Variants in LRBA observed in about 807,000 individuals in gnomAD.
The protein encoded by LRBA is LPS responsive beige-like anchor protein.
LRBA carries 176 observed loss-of-function variants against 330.0 expected under a neutral mutation model. The observed-to-expected ratio is 0.53, with a 90% CI of 0.47 to 0.60. The LOEUF (loss-of-function observed/expected upper bound fraction) is 0.60. Ranked by LOEUF, LRBA falls within the 20% of genes least tolerant of loss-of-function variation. The pLI is 0.00. For missense variants in LRBA, 3,259 were observed against 3,444.8 expected (o/e 0.95, Z 1.35); for synonymous variants, 1,230 against 1,193.0 (o/e 1.03, Z -0.64).
chr4:150,768,927 CTTTTTTTTTTTTTTTT>C (rs70941440), intron 34 of LRBA, among the ~76,000 whole-genome samples: 5 of 75,026 alleles, frequency 6.7e-5, no homozygotes, highest in Non-Finnish European at 1.2e-4. Context: ...GTGCTGTCTC[CTTTTTTTTTTTTTTTT>C]TTTTTTTTTT....
chr4:150,827,447 ACCT>A, intron 30 of LRBA, among the ~76,000 whole-genome samples: 1 of 152,156 alleles, frequency 6.6e-6, no homozygotes, highest in East Asian at 1.9e-4. Context: ...CAACTCTGCT[ACCT>A]CAACTGCCCC....
intron 37 of LRBA, among the ~76,000 whole-genome samples, chr4:150,643,065 C>T (rs942280169): frequency 6.6e-6 from 1 of 151,766 alleles, no homozygotes; most frequent in Non-Finnish European, 1.5e-5. Flanking sequence ...ATTTAAAGTT[C>T]CCCCTATTTT....
intron 36 of LRBA, among the ~76,000 whole-genome samples, chr4:150,711,237 AT>A (rs111721711): frequency 0.15 from 21,422 of 142,890 alleles, 3,212 homozygotes; most frequent in African/African-American, 0.4. Flanking sequence ...TAAGAAGTTA[AT>A]TTTTTTTTTT....
intron 37 of LRBA, among the ~76,000 whole-genome samples, chr4:150,629,504 T>C (rs562113797): frequency 1.3e-4 from 19 of 151,196 alleles, no homozygotes; most frequent in Admixed American, 4.0e-4. Context: ...CAGGGCATGG[T>C]GGCACATGCC....
intron 46 of LRBA, among the ~76,000 whole-genome samples, chr4:150,435,124 C>A (rs1357498249): frequency 6.6e-6 from 1 of 151,980 alleles, no homozygotes; most frequent in Non-Finnish European, 1.5e-5. Context: ...GCAGGCAGAT[C>A]ACTTGAGGTC....
At chr4:150,371,422 A>T (rs1740300320) in intron 47 of LRBA, among the ~76,000 whole-genome samples, 1 of 151,782 alleles carries the variant, frequency 6.6e-6, no homozygotes, top group Non-Finnish European at 1.5e-5. Context: ...CAAACTCCTG[A>T]CCTCAGGTGA....
At chr4:150,281,653 C>A (rs1747554990) in intron 55 of LRBA, among the ~76,000 whole-genome samples, 1 of 152,130 alleles carries the variant, frequency 6.6e-6, no homozygotes, top group Admixed American at 6.6e-5. Context: ...TGTCCTGGGT[C>A]CCCTCATTGT....
chr4:150,605,868 G>A (rs1286798476), intron 37 of LRBA, among the ~76,000 whole-genome samples: 1 of 152,122 alleles, frequency 6.6e-6, no homozygotes, highest in Non-Finnish European at 1.5e-5. Flanking sequence ...GCATTATGCT[G>A]TCTTAATGAA....
chr4:150,772,709 G>C (rs755943353), intron 34 of LRBA, among the ~76,000 whole-genome samples: 1 of 152,124 alleles, frequency 6.6e-6, no homozygotes, highest in Non-Finnish European at 1.5e-5. Flanking sequence ...AAAGGGGCCC[G>C]TCAAAGGCTC....
At chr4:150,563,091 C>T (rs1024803820) in intron 40 of LRBA, among the ~76,000 whole-genome samples, 1 of 152,116 alleles carries the variant, frequency 6.6e-6, no homozygotes, top group Non-Finnish European at 1.5e-5. Flanking sequence ...GCCACCACAC[C>T]TGGTTGAAAT....
At chr4:150,656,103 G>A (rs1001796971) in intron 37 of LRBA, among the ~76,000 whole-genome samples, 2 of 152,166 alleles carry the variant, frequency 1.3e-5, no homozygotes, top group African/African-American at 2.4e-5. Context: ...TTTTCAAAAC[G>A]TCTGCCATTT....
At chr4:150,526,693 C>T (rs12233717) in intron 40 of LRBA, among the ~76,000 whole-genome samples, 7 of 151,888 alleles carry the variant, frequency 4.6e-5, no homozygotes, top group Non-Finnish European at 8.8e-5. Flanking sequence ...ATTTCCCTTG[C>T]GACTTCTTTC....
chr4:150,900,877 G>C (rs1449159370), intron 13 of LRBA, among the ~76,000 whole-genome samples: 1 of 152,072 alleles, frequency 6.6e-6, no homozygotes, highest in East Asian at 1.9e-4. Context: ...TAATCTCATT[G>C]AAAGTAAATA....
intron 34 of LRBA, among the ~76,000 whole-genome samples, chr4:150,783,477 A>T (rs1738568425): frequency 1.3e-5 from 2 of 152,256 alleles, no homozygotes; most frequent in Admixed American, 1.3e-4. Flanking sequence ...ATTTTGTAGT[A>T]TCTGATACAC....
chr4:150,639,736 A>AATATATATATAT (rs1212252752), intron 37 of LRBA, among the ~76,000 whole-genome samples: 1 of 51,152 alleles, frequency 2.0e-5, no homozygotes, highest in African/African-American at 8.3e-5. Context: ...CTATGCCCCA[A>AATATATATATAT]ATATATATAT....
chr4:150,939,245 T>C (rs7657668), intron 2 of LRBA, among the ~76,000 whole-genome samples: 9,734 of 152,238 alleles, frequency 0.064, 460 homozygotes, highest in East Asian at 0.18. Context: ...TATTTGGAAA[T>C]AGGATTGCTA....
intron 37 of LRBA, among the ~76,000 whole-genome samples, chr4:150,601,983 A>G: frequency 6.7e-6 from 1 of 148,650 alleles, no homozygotes; most frequent in East Asian, 2.2e-4. Context: ...GAGCCACCGC[A>G]CCCGGCCTAT....
chr4:150,394,961 G>GAT (rs1744524354), intron 47 of LRBA, among the ~76,000 whole-genome samples: 1 of 152,010 alleles, frequency 6.6e-6, no homozygotes, highest in African/African-American at 2.4e-5. Flanking sequence ...CCATTTGCAA[G>GAT]ATATATTTAT....
At chr4:150,312,926 T>G (rs1167235829) in intron 51 of LRBA, among the ~76,000 whole-genome samples, 1 of 151,994 alleles carries the variant, frequency 6.6e-6, no homozygotes, top group Non-Finnish European at 1.5e-5. Flanking sequence ...GATGATGTAT[T>G]TTTAATAAAT....
Sources: allele counts gnomAD v4.1 joint callset (sites outside exome capture counted in the v4.1 genomes callset), GRCh38; gene constraint gnomAD v4.1.1; transcripts MANE v1.5; gene names NCBI Gene and HGNC (gene_info 2026-07-23, HGNC 2026-07-21).